The following KLF12 variants were observed in gnomAD, a reference collection of about 807,000 sequenced individuals.
KLF12 encodes Krueppel-like factor 12.
A neutral mutation model predicts 37.8 loss-of-function variants in KLF12; 9 were observed. The ratio of observed to expected loss-of-function variants is 0.24; its 90% CI spans 0.14 to 0.42. KLF12 has a LOEUF of 0.42. KLF12 is among the 10% of genes least tolerant of loss of function. The pLI is 1.00. For missense variants in KLF12, 411 were observed against 516.0 expected, an observed-to-expected ratio of 0.80 and a Z score of 1.97; for synonymous variants, 208 against 202.1, an observed-to-expected ratio of 1.03 and a Z score of -0.25.
At chr13:73,983,125 C>T (rs1051481101) in intron 2 of KLF12, among the ~76,000 whole-genome samples, 8 of 152,116 alleles carry the variant, frequency 5.3e-5, no homozygotes, top group South Asian at 4.1e-4. Context: ...TCCCTGTCTA[C>T]CATCACTCCT....
chr13:74,276,941 C>T, the KLF12 span, among the ~76,000 whole-genome samples: 1 of 152,172 alleles, frequency 6.6e-6, no homozygotes, highest in Non-Finnish European at 1.5e-5. Context: ...ACTTCAGGTA[C>T]CCACTTCTGC....
At chr13:73,976,879 C>T (rs1891540886) in intron 2 of KLF12, among the ~76,000 whole-genome samples, 1 of 151,970 alleles carries the variant, frequency 6.6e-6, no homozygotes, top group South Asian at 2.1e-4. Flanking sequence ...TTTTTAGAAA[C>T]ACAAGGAGAA....
intron 3 of KLF12, 25 bp downstream of exon 3, chr13:73,943,956 G>A (rs745485081): frequency 7.0e-7 from 1 of 1,420,124 alleles, no homozygotes; most frequent in South Asian, 1.1e-5. Context: ...AAAGGAGTGG[G>A]GCATTGCTGG....
intron 1 of KLF12, among the ~76,000 whole-genome samples, chr13:74,013,510 T>C (rs1183862752): frequency 6.6e-6 from 1 of 152,214 alleles, no homozygotes; most frequent in African/African-American, 2.4e-5. Context: ...TATTTCTGTA[T>C]TAAACTCCTA....
upstream of KLF12, among the ~76,000 whole-genome samples, chr13:74,135,426 C>T (rs1878512937): frequency 6.6e-6 from 1 of 151,938 alleles, no homozygotes; most frequent in Non-Finnish European, 1.5e-5. Context: ...CCGGCAGCCC[C>T]TCCCTCCCCG....
chr13:73,841,204 G>T (rs548338833), intron 4 of KLF12, among the ~76,000 whole-genome samples: 35 of 152,236 alleles, frequency 2.3e-4, no homozygotes, highest in Non-Finnish European at 4.3e-4. Flanking sequence ...ACTGCATATC[G>T]GAAGGAAGGA....
At chr13:74,115,544 AAAAT>A (rs66723362) in intron 1 of KLF12, among the ~76,000 whole-genome samples, 2,506 of 152,212 alleles carry the variant, frequency 0.016, 48 homozygotes, top group Middle Eastern at 0.034. Context: ...GTCTCTACTA[AAAAT>A]ACAAAAATTA....
rs577506066 is a variant in KLF12, at chr13:73,785,310, C to T, written c.807-20310G>A. Among the ~76,000 whole-genome samples the T allele has an allele frequency of 5.1e-4, 77 of 152,060 alleles. 1 individual carries two copies. Among genetic ancestry groups the T allele is most frequent in the Admixed American group, 9.8e-4 (15 of 15,266 alleles). On this transcript the variant is annotated intron_variant, in intron 5 of 7. Coordinates refer to ENST00000377669, the MANE Select transcript of KLF12 (RefSeq NM_007249.5). ...TGTATTTTTTGTAGAGACAGGGTCT[C>T]CCTATGTTATCCAGGCTGGTCTTGA...
At chr13:74,034,822 C>A (rs905520105) in intron 1 of KLF12, among the ~76,000 whole-genome samples, 1 of 152,196 alleles carries the variant, frequency 6.6e-6, no homozygotes, top group Non-Finnish European at 1.5e-5. Flanking sequence ...GAGGATTTGT[C>A]TAAGCTTCCA....
intron 3 of KLF12, among the ~76,000 whole-genome samples, chr13:73,906,047 T>C (rs958491937): frequency 6.6e-6 from 1 of 152,282 alleles, no homozygotes; most frequent in Non-Finnish European, 1.5e-5. Context: ...CTTTTCATCA[T>C]TACTCCTGTA....
chr13:74,148,403 CTTTTTTTT>C, the KLF12 span, among the ~76,000 whole-genome samples: 1 of 73,484 alleles, frequency 1.4e-5, no homozygotes, highest in Non-Finnish European at 2.4e-5. Flanking sequence ...CAAAACTGCT[CTTTTTTTT>C]TTTTTTTTTT....
At chr13:73,893,444 C>G (rs572362388) in intron 3 of KLF12, among the ~76,000 whole-genome samples, 7 of 144,280 alleles carry the variant, frequency 4.9e-5, no homozygotes, top group East Asian at 2.0e-4. Context: ...TGCAGTGGCG[C>G]GATCTCCACT....
chr13:74,055,958 G>A (rs774606528), intron 1 of KLF12, among the ~76,000 whole-genome samples: 1 of 152,186 alleles, frequency 6.6e-6, no homozygotes, highest in African/African-American at 2.4e-5. Context: ...ACAGAAAGAA[G>A]CATTGAGCAT....
At chr13:74,198,427 T>C in the KLF12 span, among the ~76,000 whole-genome samples, 114 of 152,310 alleles carry the variant, frequency 7.5e-4, 1 homozygote, top group African/African-American at 2.6e-3. Context: ...ATGTGGCACC[T>C]TGTAGACCGG....
chr13:74,012,474 A>T (rs556683656), intron 1 of KLF12, among the ~76,000 whole-genome samples: 5 of 152,232 alleles, frequency 3.3e-5, no homozygotes, highest in Non-Finnish European at 7.3e-5. Flanking sequence ...CACCTATTTT[A>T]TATCACATCC....
chr13:73,903,004 T>A (rs1186057028), intron 3 of KLF12, among the ~76,000 whole-genome samples: 1 of 152,240 alleles, frequency 6.6e-6, no homozygotes, highest in Non-Finnish European at 1.5e-5. Context: ...ACAGCTGGTT[T>A]ATTCAGATCA....
chr13:74,296,358 T>C, the KLF12 span, among the ~76,000 whole-genome samples: 1 of 152,168 alleles, frequency 6.6e-6, no homozygotes, highest in African/African-American at 2.4e-5. Context: ...GTTTATCTTC[T>C]ATGTGGTACT....
the KLF12 span, among the ~76,000 whole-genome samples, chr13:74,299,795 G>C: frequency 1.3e-5 from 2 of 151,962 alleles, no homozygotes; most frequent in Admixed American, 6.6e-5. Context: ...CTTTTTTAAG[G>C]CTCAAGTATT....
At chr13:73,943,841 G>C in intron 3 of KLF12, 140 bp downstream of exon 3, 1 of 606,978 alleles carries the variant, frequency 1.6e-6, no homozygotes, top group Non-Finnish European at 2.9e-6. Context: ...CACAATCTCA[G>C]ATTTTTGTTT....
Sources: gnomAD v4.1 joint callset for allele counts (sites outside exome capture counted in the v4.1 genomes callset) on GRCh38, gnomAD v4.1.1 for gene constraint, MANE v1.5 for transcripts, NCBI Gene and HGNC (gene_info 2026-07-23, HGNC 2026-07-21) for gene names.